Variants in IDE observed in about 807,000 individuals in gnomAD.
IDE encodes the protein insulin-degrading enzyme.
Under a neutral mutation model 133.2 loss-of-function variants are expected in IDE, and 58 were observed. That is an observed-to-expected ratio of 0.44 (90% CI 0.35 to 0.54). The LOEUF (loss-of-function observed/expected upper bound fraction) is 0.54, where lower values mean the gene tolerates loss of function less well. Among genes scored for constraint, IDE ranks in the 20% least tolerant of loss-of-function variants. The pLI is 0.00. For synonymous variants in IDE, 396 were observed against 421.3 expected (o/e 0.94, Z 0.73); for missense variants, 981 against 1,234.0 (o/e 0.79, Z 3.07).
chr10:92,539,180 C>T (rs2135710409), intron 1 of IDE, among the ~76,000 whole-genome samples: 1 of 152,006 alleles, frequency 6.6e-6, no homozygotes, highest in Middle Eastern at 3.4e-3. Context: ...TCCCCTAGAT[C>T]CCCTAGATCT....
intron 14 of IDE, among the ~76,000 whole-genome samples, chr10:92,481,951 C>T (rs1846637703): frequency 6.6e-6 from 1 of 152,126 alleles, no homozygotes; most frequent in Admixed American, 6.6e-5. Flanking sequence ...AAATAAAAAG[C>T]AGCTTTGTAA....
intron 1 of IDE, among the ~76,000 whole-genome samples, chr10:92,551,653 T>G (rs976510835): frequency 9.1e-5 from 13 of 143,302 alleles, no homozygotes; most frequent in African/African-American, 3.1e-4. Context: ...GTACCTAGAG[T>G]AGTCAAATTC....
At chr10:92,526,172 A>G (rs1327718844) in intron 4 of IDE, among the ~76,000 whole-genome samples, 1 of 151,900 alleles carries the variant, frequency 6.6e-6, no homozygotes, top group African/African-American at 2.4e-5. Context: ...AAAAAAGTAA[A>G]GTAAAAGATC....
intron 11 of IDE, among the ~76,000 whole-genome samples, chr10:92,494,395 TAG>T (rs1298847408): frequency 6.7e-6 from 1 of 149,318 alleles, no homozygotes; most frequent in African/African-American, 2.5e-5. Context: ...TTAATGTGGC[TAG>T]AGTGTGGGGG....
At chr10:92,510,430 C>G (rs1240496993) in intron 5 of IDE, among the ~76,000 whole-genome samples, 3 of 152,068 alleles carry the variant, frequency 2.0e-5, no homozygotes, top group Non-Finnish European at 2.9e-5. Context: ...TGATTCCCAA[C>G]AGGCATATAT....
chr10:92,495,537 G>C (rs139092089), intron 11 of IDE, among the ~76,000 whole-genome samples: 5,376 of 152,112 alleles, frequency 0.035, 362 homozygotes, highest in African/African-American at 0.12. Flanking sequence ...TTTTAATAGA[G>C]ACGGGGTTTC....
intron 1 of IDE, among the ~76,000 whole-genome samples, 187 bp from the exon 2 acceptor site, chr10:92,537,737 G>A (rs748905657): frequency 6.6e-6 from 1 of 152,126 alleles, no homozygotes; most frequent in Non-Finnish European, 1.5e-5. Flanking sequence ...TCTGAGAAAT[G>A]CTAACAAAAT....
At chr10:92,513,452 C>T (rs1480303652) in intron 5 of IDE, among the ~76,000 whole-genome samples, 1 of 152,170 alleles carries the variant, frequency 6.6e-6, no homozygotes, top group Non-Finnish European at 1.5e-5. Flanking sequence ...CTCGGCCTTC[C>T]GAAGTGCTGG....
At chr10:92,518,379 G>C (rs1849040197) in intron 4 of IDE, among the ~76,000 whole-genome samples, 1 of 152,058 alleles carries the variant, frequency 6.6e-6, no homozygotes. Flanking sequence ...TACATAATGA[G>C]AAAAATACAC....
intron 10 of IDE, among the ~76,000 whole-genome samples, chr10:92,505,170 G>T (rs988658070): frequency 1.3e-5 from 2 of 152,030 alleles, no homozygotes; most frequent in Non-Finnish European, 2.9e-5. Context: ...TTTCTTTCGG[G>T]GAAAACCACG....
chr10:92,479,206 CA>C, intron 15 of IDE, 70 bp downstream of exon 15: 4 of 1,123,176 alleles, frequency 3.6e-6, no homozygotes, highest in Non-Finnish European at 2.5e-6. Context: ...CACCCTCAAT[CA>C]AAAAATGCTT....
intron 14 of IDE, 189 bp from the exon 15 acceptor site, chr10:92,479,610 AGTGTGT>A (rs3831274): frequency 2.9e-4 from 137 of 470,194 alleles, no homozygotes; most frequent in African/African-American, 1.8e-3. Context: ...AGTGTGTGTG[AGTGTGT>A]GTGTGTGTGT....
At chr10:92,517,130 T>A (rs1848971918) in intron 4 of IDE, among the ~76,000 whole-genome samples, 1 of 152,190 alleles carries the variant, frequency 6.6e-6, no homozygotes, top group Non-Finnish European at 1.5e-5. Context: ...GTTTTTATAA[T>A]ATCTGATATA....
chr10:92,514,881 A>C (rs756565540), intron 5 of IDE, 39 bp downstream of exon 5: 2 of 1,563,164 alleles, frequency 1.3e-6, no homozygotes, highest in South Asian at 2.3e-5. Context: ...TTAAAAACTT[A>C]TATTATCCAA....
chr10:92,570,345 AT>A (rs1371646815), intron 1 of IDE, among the ~76,000 whole-genome samples: 1 of 152,198 alleles, frequency 6.6e-6, no homozygotes, highest in African/African-American at 2.4e-5. Flanking sequence ...TGAGGACAAG[AT>A]TTATGGTTAT....
chr10:92,537,541 T>C lies in IDE; in HGVS notation c.108A>G (p.Lys36=). The C allele has an allele frequency of 6.3e-7, 1 of 1,590,388 alleles. No individual in the cohort carries two copies. Among genetic ancestry groups the C allele is most frequent in the Non-Finnish European group, 8.5e-7 (1 of 1,172,324 alleles). ...PPPERLCGFQ[K]KTYSKMNNPA... is the part of the protein sequence containing the mutation. ...GATTATTCATTTTGCTGTAAGTCTT[T>C]TTTTGGAAACTGAAAAGAAAGAGAT... is the stretch of plus-strand genomic sequence containing the variant. Residue 36 remains lysine, a synonymous_variant, in exon 2 of 25, where the codon AAA becomes AAG. Coordinates refer to ENST00000265986, the MANE Select transcript of IDE (RefSeq NM_004969.4).
At chr10:92,463,636 G>T in intron 21 of IDE, 95 bp downstream of exon 21, 1 of 1,154,834 alleles carries the variant, frequency 8.7e-7, no homozygotes. Context: ...ATAGGTAACG[G>T]AATATCACCT....
At chr10:92,532,188 G>C (rs1249410749) in intron 3 of IDE, among the ~76,000 whole-genome samples, 1 of 150,034 alleles carries the variant, frequency 6.7e-6, no homozygotes, top group African/African-American at 2.5e-5. Context: ...AAAAAAGGCA[G>C]ATTATGGACA....
At chr10:92,456,268 T>C (rs1845001338) in intron 23 of IDE, 91 bp downstream of exon 23, 1 of 873,672 alleles carries the variant, frequency 1.1e-6, no homozygotes, top group Non-Finnish European at 2.0e-6. Flanking sequence ...CCTCTTTTAC[T>C]TTCTGGTGTT....
Sources: allele counts gnomAD v4.1 joint callset (sites outside exome capture counted in the v4.1 genomes callset), GRCh38; gene constraint gnomAD v4.1.1; transcripts MANE v1.5; gene names NCBI Gene and HGNC (gene_info 2026-07-23, HGNC 2026-07-21).